The following DIPK1A variants were observed in gnomAD, a reference collection of about 807,000 sequenced individuals.
The protein encoded by DIPK1A is divergent protein kinase domain 1A, also known as family with sequence similarity 69 member A.
DIPK1A carries 27 observed loss-of-function variants against 40.8 expected under a neutral mutation model. That is an observed-to-expected ratio of 0.66 (90% CI 0.49 to 0.91). DIPK1A has a LOEUF of 0.91. Ranked by LOEUF, DIPK1A falls within the 40% of genes least tolerant of loss-of-function variation. The pLI is 0.00. For missense variants in DIPK1A, 412 were observed against 505.7 expected (o/e 0.81, Z 1.78); for synonymous variants, 166 against 171.3 (o/e 0.97, Z 0.24).
chr1:92,933,674 G>A (rs965425796), intron 1 of DIPK1A: 4 of 152,224 alleles, frequency 2.6e-5, no homozygotes, highest in Non-Finnish European at 5.9e-5. Context: ...TGACATTAAT[G>A]CTGACCTATA....
intron 1 of DIPK1A, among the ~76,000 whole-genome samples, chr1:92,917,954 CAAT>C (rs1159850415): frequency 6.6e-6 from 1 of 151,836 alleles, no homozygotes; most frequent in African/African-American, 2.4e-5. Flanking sequence ...TTTATATAAA[CAAT>C]AAGGCAAACT....
intron 1 of DIPK1A, among the ~76,000 whole-genome samples, chr1:92,888,285 G>A (rs1648704497): frequency 6.6e-6 from 1 of 151,962 alleles, no homozygotes; most frequent in Non-Finnish European, 1.5e-5. Context: ...AGATCATGCA[G>A]CATTTACCTT....
chr1:92,917,559 A>C (rs549970333), intron 1 of DIPK1A, among the ~76,000 whole-genome samples: 1 of 152,328 alleles, frequency 6.6e-6, no homozygotes, highest in African/African-American at 2.4e-5. Flanking sequence ...AAACTATATA[A>C]ATAGAAAGTG....
intron 4 of DIPK1A, chr1:92,835,043 C>T: frequency 1.5e-6 from 2 of 1,310,186 alleles, no homozygotes; most frequent in Non-Finnish European, 2.2e-6. Flanking sequence ...CAGTTTTCTG[C>T]TTTGTTAATG....
rs544026028 is a variant in DIPK1A at position 92,938,848 on chromosome 1, C to T, written c.54+22528G>A. 5.9e-5 allele frequency among the ~76,000 whole-genome samples: 9 copies of T among 152,330 alleles called. No homozygotes were observed. The South Asian group carries it at 1.9e-3, about 32-fold the overall frequency. On this transcript the variant is annotated intron_variant, in intron 1 of 4. Coordinates refer to ENST00000370310, the MANE Select transcript of DIPK1A (RefSeq NM_001006605.5). ...AAGTCAAATCATATACTTGAAATCT[C>T]ATGCTAAAGCATATTATTCACCTTA... is the stretch of plus-strand genomic sequence containing the variant.
chr1:92,913,385 A>G (rs928350831), intron 1 of DIPK1A, among the ~76,000 whole-genome samples: 2 of 151,700 alleles, frequency 1.3e-5, no homozygotes, highest in South Asian at 2.1e-4. Flanking sequence ...GAAAAAAAAA[A>G]GGGGAAAATA....
chr1:92,905,465 T>C (rs1649585955), intron 1 of DIPK1A, among the ~76,000 whole-genome samples: 1 of 152,174 alleles, frequency 6.6e-6, no homozygotes, highest in Non-Finnish European at 1.5e-5. Context: ...TTGCCCATTT[T>C]AAAATCAGAT....
chr1:92,842,613 C>CA lies in DIPK1A; in HGVS notation c.*769dup, dbSNP rs971567364. On this transcript the variant is annotated 3_prime_UTR_variant, in exon 5 of 5. Transcript: ENST00000370310. ...ATAATTTATTTTAGTCTTGCACTTA[C>CA]AGTCCCACTTTCACATAGTTCAAAA... The CA allele has an allele frequency of 2.1e-5, 17 of 816,798 alleles. No homozygotes were observed. The African/African-American group carries it at 2.8e-4, about 13-fold the overall frequency. 50.6% of individuals were successfully genotyped at this position (816,798 alleles called of 1,614,324 possible). A position where few individuals can be genotyped will look rare whatever the true frequency, so the allele number is the denominator to read the frequency against.
At chr1:92,909,816 G>A (rs1159207015) in intron 1 of DIPK1A, among the ~76,000 whole-genome samples, 1 of 152,132 alleles carries the variant, frequency 6.6e-6, no homozygotes. Context: ...CAGGGTGTAG[G>A]GGGGAATAAA....
chr1:92,940,260 A>G (rs17131672), intron 1 of DIPK1A, among the ~76,000 whole-genome samples: 4,670 of 151,900 alleles, frequency 0.031, 205 homozygotes, highest in African/African-American at 0.1. Context: ...TAAAAACACA[A>G]CTCTCCCCTG....
At chr1:92,834,455 A>G (rs1687038423) in intron 4 of DIPK1A, among the ~76,000 whole-genome samples, 1 of 152,160 alleles carries the variant, frequency 6.6e-6, no homozygotes, top group African/African-American at 2.4e-5. Context: ...GCAGGTAGGC[A>G]CACCTGTTTC....
At position 92,862,168 on chromosome 1, in the gene DIPK1A, G is replaced by A. The variant is rs552927650; in HGVS notation, c.190-11213C>T. Reference sequence around the variant, plus strand: ...TCAGTGACATTCCCACAGCTCTGAGGAATCCTGGCTCTATCCCAGCCTAGG... The same window carrying A: ...TCAGTGACATTCCCACAGCTCTGAGAAATCCTGGCTCTATCCCAGCCTAGG... On this transcript the variant is annotated intron_variant, in intron 2 of 4. Transcript: ENST00000370310. Among the ~76,000 whole-genome samples the A allele has an allele frequency of 2.6e-5, 4 of 152,236 alleles. No homozygotes were observed. In the East Asian group the frequency reaches 7.7e-4, roughly 29 times the overall value.
intron 1 of DIPK1A, among the ~76,000 whole-genome samples, chr1:92,919,899 G>A (rs531849349): frequency 1.8e-4 from 27 of 152,222 alleles, no homozygotes; most frequent in Non-Finnish European, 3.5e-4. Context: ...TGCCTTGGCA[G>A]ATAATTCTTA....
chr1:92,843,176 G>A lies in DIPK1A; in HGVS notation c.*207C>T. The A allele has an allele frequency of 7.6e-7, 1 of 1,323,832 alleles. No individual in the cohort carries two copies. The highest frequency in any genetic ancestry group is 9.7e-7 in the Non-Finnish European group (1 of 1,033,728). The allele number at this position is 1,323,832 out of a possible 1,614,324, so 82.0% of individuals were successfully genotyped here. Reference sequence around the variant, plus strand: ...GAATGTACTTCGGAGATGTAACAGGGCTTCTAAAAGGGCAGGAATGACATC... The same window carrying A: ...GAATGTACTTCGGAGATGTAACAGGACTTCTAAAAGGGCAGGAATGACATC... On this transcript the variant is annotated 3_prime_UTR_variant, in exon 5 of 5. Transcript: ENST00000370310.
intron 1 of DIPK1A, among the ~76,000 whole-genome samples, chr1:92,955,371 G>C (rs560811722): frequency 5.6e-4 from 85 of 152,258 alleles, no homozygotes; most frequent in Non-Finnish European, 1.0e-3. Flanking sequence ...TTCATTAACT[G>C]TAAAACATGT....
In DIPK1A at chr1:92,842,212, G is replaced by C. The variant is rs1279245575; in HGVS notation, c.*1171C>G. On this transcript the variant is annotated 3_prime_UTR_variant, in exon 5 of 5. Transcript: ENST00000370310. ...TATAACCAGATGATGAATGGGAAAA[G>C]TACCTTAAAGTAAACAAAACTGGTG... The C allele has an allele frequency of 1.8e-5, 18 of 999,642 alleles. No individual in the cohort carries two copies. Among genetic ancestry groups the C allele is most frequent in the Non-Finnish European group, 1.9e-5 (16 of 839,112 alleles). 61.9% of individuals were successfully genotyped at this position (999,642 alleles called of 1,614,324 possible).
chr1:92,932,329 T>A (rs768833439), intron 1 of DIPK1A: 64 of 153,454 alleles, frequency 4.2e-4, no homozygotes, highest in Non-Finnish European at 7.0e-4. Context: ...TAGTCCTAGC[T>A]ACTCGGGAGG....
intron 1 of DIPK1A, among the ~76,000 whole-genome samples, chr1:92,918,211 G>A (rs984214064): frequency 4.6e-5 from 7 of 151,948 alleles, no homozygotes; most frequent in Non-Finnish European, 7.4e-5. Flanking sequence ...GTGCAATGGC[G>A]TGATTTCAGC....
intron 1 of DIPK1A, among the ~76,000 whole-genome samples, chr1:92,936,750 T>G (rs1302836147): frequency 6.6e-6 from 1 of 152,212 alleles, no homozygotes; most frequent in Non-Finnish European, 1.5e-5. Context: ...TCAAGACCCT[T>G]TATCTATTGC....
Sources: allele counts gnomAD v4.1 joint callset (sites outside exome capture counted in the v4.1 genomes callset), GRCh38; gene constraint gnomAD v4.1.1; transcripts MANE v1.5; gene names NCBI Gene and HGNC (gene_info 2026-07-23, HGNC 2026-07-21).